PPM1L: variants seen among roughly 807,000 people sequenced by gnomAD.
PPM1L encodes the protein protein phosphatase 1L.
PPM1L carries 13 observed loss-of-function variants against 31.4 expected under a neutral mutation model. The observed-to-expected ratio is 0.41, with a 90% CI of 0.27 to 0.66. PPM1L has a LOEUF of 0.66. Among genes scored for constraint, PPM1L ranks in the 30% least tolerant of loss-of-function variants. PPM1L has a pLI of 0.29. For synonymous variants in PPM1L, 184 were observed against 175.4 expected (o/e 1.05, Z -0.39); for missense variants, 326 against 453.7 (o/e 0.72, Z 2.56).
chr3:160,904,162 A>G (rs149855642), intron 1 of PPM1L, among the ~76,000 whole-genome samples: 241 of 152,310 alleles, frequency 1.6e-3, no homozygotes, highest in African/African-American at 5.3e-3. Flanking sequence ...GAAGCAATGC[A>G]TAAGTAAAAT....
At chr3:160,878,243 C>T (rs1175584222) in intron 1 of PPM1L, among the ~76,000 whole-genome samples, 2 of 152,142 alleles carry the variant, frequency 1.3e-5, no homozygotes, top group African/African-American at 4.8e-5. Context: ...GATTTGGGTT[C>T]AGAGCTCTAC....
intron 1 of PPM1L, among the ~76,000 whole-genome samples, chr3:160,794,910 A>G (rs975037435): frequency 6.6e-6 from 1 of 152,186 alleles, no homozygotes; most frequent in African/African-American, 2.4e-5. Flanking sequence ...GCTTTAGAGA[A>G]AGAGGAAACG....
intron 2 of PPM1L, among the ~76,000 whole-genome samples, chr3:160,983,099 A>G (rs2108036497): frequency 6.6e-6 from 1 of 152,318 alleles, no homozygotes; most frequent in Non-Finnish European, 1.5e-5. Flanking sequence ...TGTACTCGAG[A>G]ATCAGCTTGT....
At chr3:160,951,396 C>T (rs1350989295) in intron 1 of PPM1L, among the ~76,000 whole-genome samples, 1 of 152,118 alleles carries the variant, frequency 6.6e-6, no homozygotes, top group African/African-American at 2.4e-5. Flanking sequence ...AAAGCAGATA[C>T]ATTTTTTAAT....
At chr3:160,842,141 T>A in intron 1 of PPM1L, 1 of 638,908 alleles carries the variant, frequency 1.6e-6, no homozygotes, top group Non-Finnish European at 2.8e-6. Flanking sequence ...GAGAGAGATT[T>A]TGTGTGCGTG....
At chr3:160,903,208 T>TTG (rs59232471) in intron 1 of PPM1L, among the ~76,000 whole-genome samples, 7,097 of 119,992 alleles carry the variant, frequency 0.059, 186 homozygotes, top group East Asian at 0.097. Context: ...GTGTGTATGT[T>TTG]TGTGTGTGTG....
At chr3:161,015,491 T>G (rs1475498069) in intron 2 of PPM1L, among the ~76,000 whole-genome samples, 1 of 152,246 alleles carries the variant, frequency 6.6e-6, no homozygotes, top group Non-Finnish European at 1.5e-5. Flanking sequence ...TGGTCATTAT[T>G]TACATGCTTC....
At chr3:160,972,640 A>T (rs1295201926) in intron 2 of PPM1L, among the ~76,000 whole-genome samples, 1 of 152,150 alleles carries the variant, frequency 6.6e-6, no homozygotes, top group African/African-American at 2.4e-5. Context: ...TGCTATTGTG[A>T]ATAATGCTGC....
chr3:161,065,788 G>T (rs1719721127), intron 3 of PPM1L, among the ~76,000 whole-genome samples: 1 of 152,176 alleles, frequency 6.6e-6, no homozygotes, highest in Admixed American at 6.5e-5. Context: ...CCCATTTCCA[G>T]TTTAAAGGCT....
At chr3:160,758,798 A>T (rs376605203) in intron 1 of PPM1L, among the ~76,000 whole-genome samples, 8 of 152,230 alleles carry the variant, frequency 5.3e-5, no homozygotes, top group African/African-American at 1.7e-4. Flanking sequence ...ACTGCAAATG[A>T]AAAGATGATA....
intron 3 of PPM1L, among the ~76,000 whole-genome samples, chr3:161,066,391 T>C (rs755411992): frequency 4.0e-5 from 6 of 151,806 alleles, no homozygotes; most frequent in Non-Finnish European, 7.4e-5. Flanking sequence ...CAAAAAAAAA[T>C]AGTAAAAGTA....
intron 1 of PPM1L, among the ~76,000 whole-genome samples, chr3:160,850,908 T>A (rs1419262772): frequency 6.6e-6 from 1 of 151,930 alleles, no homozygotes; most frequent in Non-Finnish European, 1.5e-5. Context: ...TTATTGTTTT[T>A]CTCTCTTACA....
At chr3:160,824,640 T>C (rs907369657) in intron 1 of PPM1L, among the ~76,000 whole-genome samples, 3 of 152,184 alleles carry the variant, frequency 2.0e-5, no homozygotes, top group African/African-American at 7.2e-5. Flanking sequence ...TGGATCACCA[T>C]ACCTCCATCA....
At chr3:160,939,386 G>A (rs184029016) in intron 1 of PPM1L, among the ~76,000 whole-genome samples, 39 of 152,106 alleles carry the variant, frequency 2.6e-4, no homozygotes, top group African/African-American at 7.5e-4. Context: ...ATTCTGCTCC[G>A]CAACTCCTTA....
At chr3:160,961,693 A>C (rs1172930446) in intron 1 of PPM1L, 43 bp from the exon 2 acceptor site, 2 of 1,527,840 alleles carry the variant, frequency 1.3e-6, no homozygotes, top group African/African-American at 2.9e-5. Context: ...CTAAGGGGAG[A>C]ATTTCTAATG....
intron 1 of PPM1L, among the ~76,000 whole-genome samples, chr3:160,949,051 C>T (rs1396452230): frequency 6.6e-6 from 1 of 152,120 alleles, no homozygotes; most frequent in Non-Finnish European, 1.5e-5. Context: ...GGAGCAGGCC[C>T]CATGAATCTG....
At chr3:160,908,355 C>T (rs1713835280) in intron 1 of PPM1L, among the ~76,000 whole-genome samples, 1 of 128,334 alleles carries the variant, frequency 7.8e-6, no homozygotes, top group African/African-American at 2.6e-5. Flanking sequence ...ATCCTCGTTA[C>T]ATTTGGAACT....
At chr3:161,013,938 C>T in intron 2 of PPM1L, among the ~76,000 whole-genome samples, 1 of 152,112 alleles carries the variant, frequency 6.6e-6, no homozygotes, top group East Asian at 1.9e-4. Context: ...AATGGGTCTC[C>T]TGAATATGGC....
At chr3:160,830,674 C>T (rs1182581078) in intron 1 of PPM1L, among the ~76,000 whole-genome samples, 1 of 152,136 alleles carries the variant, frequency 6.6e-6, no homozygotes, top group Non-Finnish European at 1.5e-5. Context: ...TATCCTCAGT[C>T]TACCATTGCA....
Sources: allele counts gnomAD v4.1 joint callset (sites outside exome capture counted in the v4.1 genomes callset), GRCh38; gene constraint gnomAD v4.1.1; transcripts MANE v1.5; gene names NCBI Gene and HGNC (gene_info 2026-07-23, HGNC 2026-07-21).